Variants in PLEKHO1 observed in about 807,000 individuals in gnomAD.
PLEKHO1 encodes pleckstrin homology domain containing O1.
In PLEKHO1, 22 loss-of-function variants were observed where a neutral mutation model predicts 41.4. The ratio of observed to expected loss-of-function variants is 0.53; its 90% confidence interval spans 0.38 to 0.76. PLEKHO1 has a LOEUF of 0.76. Ranked by LOEUF, PLEKHO1 falls within the 30% of genes least tolerant of loss-of-function variation. The probability of loss-of-function intolerance (pLI) is 0.00; values close to 1 mark genes in which losing one functional copy is unlikely to be tolerated. For synonymous variants in PLEKHO1, 225 were observed against 210.8 expected, an observed-to-expected ratio of 1.07 and a Z score of -0.58; for missense variants, 488 against 518.3, an observed-to-expected ratio of 0.94 and a Z score of 0.57.
At position 150,150,947 on chromosome 1, in the gene PLEKHO1, C is replaced by A; in HGVS notation, c.66C>A (p.Pro22=). 1 of 1,614,030 alleles carries A rather than the reference C, an allele frequency of 6.2e-7. No individual in the cohort carries two copies. The highest frequency in any genetic ancestry group is 8.5e-7 in the Non-Finnish European group (1 of 1,179,906). The change falls in exon 2 of 6, where the codon CCC becomes CCA. Residue 22 remains proline (P), a synonymous_variant. Transcript: ENST00000369124. ...PQDGNQQPAP[P]EKVGWVRKFC... Reference sequence around the variant, plus strand: ...ATGGAAACCAGCAGCCTGCACCGCCCGAGAAGGTCGGCTGGGTCCGGAAAT... The same window carrying A: ...ATGGAAACCAGCAGCCTGCACCGCCAGAGAAGGTCGGCTGGGTCCGGAAAT...
chr1:150,158,541 G>A (rs1427265127), intron 5 of PLEKHO1, among the ~76,000 whole-genome samples: 6 of 130,202 alleles, frequency 4.6e-5, no homozygotes, highest in Non-Finnish European at 1.0e-4. Context: ...CAAAAAAAAA[G>A]AGCTGGGCGT....
rs1571940762 is a variant in PLEKHO1 at position 150,150,956 on chromosome 1, C to G, written c.75C>G (p.Val25=). ...GNQQPAPPEK[V]GWVRKFCGKG... is the part of the protein sequence containing the mutation. ...AGCAGCCTGCACCGCCCGAGAAGGT[C>G]GGCTGGGTCCGGAAATTCTGCGGGA... Residue 25 remains valine, a synonymous_variant, in exon 2 of 6, where the codon GTC becomes GTG. Transcript: ENST00000369124. The G allele has an allele frequency of 6.2e-7, 1 of 1,613,988 alleles. No homozygotes were observed. The highest frequency in any genetic ancestry group is 8.5e-7 in the Non-Finnish European group (1 of 1,179,874).
At chr1:150,153,084 T>C (rs1660020884) in intron 2 of PLEKHO1, 1 of 152,226 alleles carries the variant, frequency 6.6e-6, no homozygotes, top group Non-Finnish European at 1.5e-5. Flanking sequence ...GTTTCAATGC[T>C]ACAGTGGGCC....
chr1:150,150,342 C>CTCCG, intron 1 of PLEKHO1, 55 bp downstream of exon 1: 1 of 901,962 alleles, frequency 1.1e-6, no homozygotes, highest in Non-Finnish European at 1.3e-6. Context: ...CTGACGACCC[C>CTCCG]CGCTCCGTCG....
intron 1 of PLEKHO1, 174 bp from the exon 2 acceptor site, chr1:150,150,738 G>A: frequency 1.7e-6 from 1 of 587,088 alleles, no homozygotes; most frequent in Non-Finnish European, 3.0e-6. Flanking sequence ...AGCGGGGGGA[G>A]TTCCTCGGAG....
At chr1:150,150,631 G>A (rs931754024) in intron 1 of PLEKHO1, 4 of 319,426 alleles carry the variant, frequency 1.3e-5, no homozygotes, top group Non-Finnish European at 2.3e-5. Flanking sequence ...GGGCGGCGGG[G>A]GCGCAGGGCC....
chr1:150,151,125 C>A (rs1553818900), intron 2 of PLEKHO1, 67 bp downstream of exon 2: 2 of 1,570,778 alleles, frequency 1.3e-6, no homozygotes, highest in African/African-American at 2.7e-5. Flanking sequence ...CCCAAGGGCT[C>A]GCCTAGCTTA....
chr1:150,158,075 G>T (rs1553820812), intron 5 of PLEKHO1, among the ~76,000 whole-genome samples: 1 of 152,136 alleles, frequency 6.6e-6, no homozygotes, highest in East Asian at 1.9e-4. Flanking sequence ...AACATATTTG[G>T]TATTGAATAC....
chr1:150,156,837 C>A, intron 3 of PLEKHO1, 74 bp from the exon 4 acceptor site: 1 of 862,628 alleles, frequency 1.2e-6, no homozygotes, highest in Non-Finnish European at 2.0e-6. Context: ...AGATTATAAT[C>A]TCTTATTTCT....
At position 150,151,255 on chromosome 1, in the gene PLEKHO1, G is replaced by A. The variant is rs587690114; in HGVS notation, c.177+197G>A. Among the ~76,000 whole-genome samples, 85 of 152,236 alleles carry A rather than the reference G, an allele frequency of 5.6e-4. 2 individuals carry two copies. The highest frequency in any genetic ancestry group is 2.6e-4 in the Non-Finnish European group (18 of 68,026). On this transcript the variant is annotated intron_variant, in intron 2 of 5. Transcript: ENST00000369124. ...AGAGTGAGAATTAGAAGTTGAGTTG[G>A]CCGCTTACTCAGTGTTTTTTTGTTT...
rs1176987717 is a variant in PLEKHO1, at chr1:150,153,927, AC to A, written c.178-2138del. 5 of 152,068 alleles carry A rather than the reference AC, an allele frequency of 3.3e-5. No individual in the cohort carries two copies. In the East Asian group the frequency reaches 5.8e-4, roughly 18 times the overall value. The allele number at this position is 152,068 out of a possible 1,614,324, so 9.4% of individuals were successfully genotyped here. A position where few individuals can be genotyped will look rare whatever the true frequency, so the allele number is the denominator to read the frequency against. On this transcript the variant is annotated intron_variant, in intron 2 of 5. Transcript: ENST00000369124. ...AATTAGATATGTGGGGAAAAAAAAA[AC>A]AATATGGTGGAGAACAAGGCTGCTT...
rs1660157372 is a variant in PLEKHO1 at position 150,156,110 on chromosome 1, C to G, written c.222C>G (p.Asp74Glu). 2 of 1,613,436 alleles carry G rather than the reference C, an allele frequency of 1.2e-6. No individual in the cohort carries two copies. Among genetic ancestry groups the G allele is most frequent in the Non-Finnish European group, 1.7e-6 (2 of 1,179,402 alleles). The stretch of plus-strand genomic sequence containing the variant: ...TTCAAGAGGTATTTGACCTGAGTGA[C>G]TATGAGAAGTGTGAAGAGCTCCGGA... ...KNIQEVFDLSDYEKCEELRKS... is the reference protein window; with the variant it reads ...KNIQEVFDLSEYEKCEELRKS... Residue 74 changes from aspartate (D) to glutamate (E), a missense_variant, in exon 3 of 6, where the codon GAC becomes GAG. Coordinates refer to ENST00000369124, the MANE Select transcript of PLEKHO1 (RefSeq NM_016274.6).
intron 1 of PLEKHO1, 168 bp from the exon 2 acceptor site, chr1:150,150,744 C>T (rs587610187): frequency 1.2e-5 from 7 of 598,828 alleles, no homozygotes; most frequent in East Asian, 5.8e-5. Context: ...GGGAGTTCCT[C>T]GGAGTGAAAA....
In PLEKHO1 at chr1:150,159,274, G is replaced by C. The variant is rs782780537; in HGVS notation, c.981G>C (p.Gln327His). 5.0e-6 allele frequency: 8 copies of C among 1,614,042 alleles called. No homozygotes were observed. Among genetic ancestry groups the C allele is most frequent in the Non-Finnish European group, 4.2e-6 (5 of 1,180,014 alleles). The change falls in exon 6 of 6, where the codon CAG (glutamine) becomes CAC (histidine). Residue 327 changes from glutamine (Q) to histidine (H), a missense_variant. Gln to His is a conservative substitution (Grantham distance 24). This residue lies in a region of PLEKHO1 where 337 missense variants were observed against 324.6 expected (regional missense o/e 1.04). Coordinates refer to ENST00000369124, the MANE Select transcript of PLEKHO1 (RefSeq NM_016274.6). ...EETQELLAEV[Q>H]GLGDGKRKAK... Reference sequence around the variant, plus strand: ...CTCAGGAGCTTCTGGCAGAGGTTCAGGGACTGGGAGATGGGAAGCGAAAGG... The same window carrying C: ...CTCAGGAGCTTCTGGCAGAGGTTCACGGACTGGGAGATGGGAAGCGAAAGG...
Position 150,150,301 on chromosome 1 carries a change from C to G in PLEKHO1, c.30+14C>G. 5 of 1,087,162 alleles carry G rather than the reference C, an allele frequency of 4.6e-6. No individual in the cohort carries two copies. Among genetic ancestry groups the G allele is most frequent in the Non-Finnish European group, 5.6e-6 (5 of 888,566 alleles). The allele number at this position is 1,087,162 out of a possible 1,614,324, so 67.3% of individuals were successfully genotyped here. On this transcript the variant is annotated intron_variant, in intron 1 of 5. Transcript: ENST00000369124. ...TCCGCCAAGCGGGTGAGTGCGCTTG[C>G]CCGCCCTGCGGCCGCCGCCGCCTCC...
intron 2 of PLEKHO1, chr1:150,155,066 G>A (rs1489574013): frequency 6.6e-6 from 1 of 152,226 alleles, no homozygotes; most frequent in Non-Finnish European, 1.5e-5. Flanking sequence ...GCTAGTTGGG[G>A]TTGGAGAATG....
chr1:150,154,319 C>T (rs1236253141), intron 2 of PLEKHO1: 1 of 152,272 alleles, frequency 6.6e-6, no homozygotes, highest in Non-Finnish European at 1.5e-5. Flanking sequence ...AGCACCTTGT[C>T]CTACTTCCAC....
At chr1:150,157,322 G>C (rs74579617) in intron 4 of PLEKHO1, 63 bp from the exon 5 acceptor site, 1 of 1,244,140 alleles carries the variant, frequency 8.0e-7, no homozygotes, top group African/African-American at 1.5e-5. Flanking sequence ...TCAGGCCTCG[G>C]GATGCTGGGT....
rs1660146345 is a variant in PLEKHO1 at position 150,155,864 on chromosome 1, C to T, written c.178-202C>T. The T allele has an allele frequency of 5.4e-6, 3 of 552,790 alleles. No homozygotes were observed. In the South Asian group the frequency reaches 8.0e-5, roughly 15 times the overall value. The allele number at this position is 552,790 out of a possible 1,614,324, so 34.2% of individuals were successfully genotyped here. On this transcript the variant is annotated intron_variant, in intron 2 of 5. Transcript: ENST00000369124. ...AGAAGGGGTTTAAACAGAAACACAC[C>T]TTAACATTCAAGACTTGGAGCTGCC...
Sources: gnomAD v4.1 joint callset for allele counts (sites outside exome capture counted in the v4.1 genomes callset) on GRCh38, gnomAD v4.1.1 for gene constraint, gnomAD v4.1.1 regional missense constraint, MANE v1.5 for transcripts, NCBI Gene and HGNC (gene_info 2026-07-23, HGNC 2026-07-21) for gene names.